Variants in SDK2 observed in about 807,000 individuals in gnomAD.
The protein encoded by SDK2 is sidekick cell adhesion molecule 2, also known as protein sidekick-2.
In SDK2, 105 loss-of-function variants were observed where a neutral mutation model predicts 253.9. The observed-to-expected ratio is 0.41, with a 90% CI of 0.35 to 0.49. SDK2 has a LOEUF of 0.49. Among genes scored for constraint, SDK2 ranks in the 20% least tolerant of loss-of-function variants. The probability of loss-of-function intolerance (pLI) is 0.06; values close to 1 mark genes in which losing one functional copy is unlikely to be tolerated. For missense variants in SDK2, 2,608 were observed against 3,003.0 expected, an observed-to-expected ratio of 0.87 and a Z score of 3.07; for synonymous variants, 1,249 against 1,234.9, an observed-to-expected ratio of 1.01 and a Z score of -0.24.
intron 1 of SDK2, among the ~76,000 whole-genome samples, chr17:73,525,117 C>A (rs2064114990): frequency 6.6e-6 from 1 of 152,242 alleles, no homozygotes; most frequent in Non-Finnish European, 1.5e-5. Context: ...CACCCCTCCC[C>A]AGGGCACCAA....
chr17:73,477,674 G>A (rs923561284), intron 2 of SDK2, among the ~76,000 whole-genome samples: 3 of 152,144 alleles, frequency 2.0e-5, no homozygotes, highest in Non-Finnish European at 4.4e-5. Flanking sequence ...GTGAAGCAGA[G>A]GCCCTCCCCC....
intron 36 of SDK2, among the ~76,000 whole-genome samples, chr17:73,375,864 AAAG>A (rs1199534553): frequency 6.1e-5 from 3 of 49,286 alleles, no homozygotes; most frequent in Admixed American, 2.2e-4. Flanking sequence ...TCAGGAAAAA[AAAG>A]AAAGAAAGAA....
intron 40 of SDK2, 138 bp downstream of exon 40, chr17:73,357,941 C>G (rs775356038): frequency 2.2e-6 from 3 of 1,345,460 alleles, no homozygotes; most frequent in Non-Finnish European, 3.2e-6. Context: ...CACTCCTCAA[C>G]AGGGCCAGGT....
In SDK2 at chr17:73,402,073, G is replaced by A; in HGVS notation, c.2553C>T (p.Asp851=). 6.2e-7 allele frequency: 1 copy of A among 1,614,052 alleles called. No individual in the cohort carries two copies. The highest frequency in any genetic ancestry group is 8.5e-7 in the Non-Finnish European group (1 of 1,179,894). The part of the protein sequence containing the change: ...TMVTARPNFQ[D]SIHVGFVSGL... ...CAGACACGAAGCCCACGTGGATGCT[G>A]TCTTGAAAGTTAGGCCGGGCGGTCA... The change falls in exon 19 of 45, where the codon GAC becomes GAT. Residue 851 remains aspartate, a synonymous_variant. Coordinates refer to ENST00000392650, the MANE Select transcript of SDK2 (RefSeq NM_001144952.2).
chr17:73,401,913 G>C (rs778272183), intron 19 of SDK2, 33 bp downstream of exon 19: 18 of 1,508,112 alleles, frequency 1.2e-5, no homozygotes, highest in East Asian at 4.7e-5. Flanking sequence ...TGGGCGGGGG[G>C]GGGCAGAAAG....
At chr17:73,586,419 A>G (rs909899007) in intron 1 of SDK2, among the ~76,000 whole-genome samples, 2 of 151,850 alleles carry the variant, frequency 1.3e-5, no homozygotes, top group Non-Finnish European at 2.9e-5. Context: ...AAGAGCGTAA[A>G]TTCCTTCTGG....
rs1327046901 is a variant in SDK2 at position 73,348,598 on chromosome 17, C to T, written c.6165+1G>A. Reference sequence around the variant, plus strand: ...AGGACACCTGGCCCTCCTGCCCTCACCTGAGAGTCGGAGATTTCTGAGGGC... The same window carrying T: ...AGGACACCTGGCCCTCCTGCCCTCATCTGAGAGTCGGAGATTTCTGAGGGC... On this transcript the variant is annotated splice_donor_variant, in intron 44 of 44. Coordinates refer to ENST00000392650, the MANE Select transcript of SDK2 (RefSeq NM_001144952.2). LOFTEE classifies it high-confidence loss of function. 6.2e-7 allele frequency: 1 copy of T among 1,612,336 alleles called. No individual in the cohort carries two copies. Among genetic ancestry groups the T allele is most frequent in the Non-Finnish European group, 8.5e-7 (1 of 1,179,596 alleles).
At chr17:73,456,934 T>C (rs923729343) in intron 3 of SDK2, among the ~76,000 whole-genome samples, 2 of 152,256 alleles carry the variant, frequency 1.3e-5, no homozygotes, top group East Asian at 3.9e-4. Context: ...ACTTTGATTG[T>C]GGCCCATGGG....
At chr17:73,510,834 G>A (rs1228563689) in intron 1 of SDK2, among the ~76,000 whole-genome samples, 3 of 152,200 alleles carry the variant, frequency 2.0e-5, no homozygotes, top group Non-Finnish European at 4.4e-5. Flanking sequence ...GCTCATTCAT[G>A]CACATCTTTC....
At chr17:73,423,149 T>A (rs1238555953) in intron 14 of SDK2, among the ~76,000 whole-genome samples, 1 of 152,272 alleles carries the variant, frequency 6.6e-6, no homozygotes, top group African/African-American at 2.4e-5. Context: ...TTGCAGCTTC[T>A]GCTGTGCCAG....
chr17:73,514,194 G>A (rs1024340842), intron 1 of SDK2, among the ~76,000 whole-genome samples: 1 of 152,114 alleles, frequency 6.6e-6, no homozygotes, highest in Non-Finnish European at 1.5e-5. Flanking sequence ...ATGTCACGTG[G>A]CTCGGAGGTC....
intron 12 of SDK2, among the ~76,000 whole-genome samples, chr17:73,425,026 T>A (rs1249205863): frequency 6.6e-6 from 1 of 152,134 alleles, no homozygotes; most frequent in Non-Finnish European, 1.5e-5. Context: ...TTGAGACCAG[T>A]CTGGCCAACA....
chr17:73,627,876 C>T (rs914027785), intron 1 of SDK2, among the ~76,000 whole-genome samples: 4 of 152,060 alleles, frequency 2.6e-5, no homozygotes, highest in African/African-American at 4.8e-5. Context: ...GGTGAAACCC[C>T]GTCTCCACTA....
chr17:73,441,264 T>C (rs1420602140), intron 5 of SDK2, among the ~76,000 whole-genome samples: 1 of 151,402 alleles, frequency 6.6e-6, no homozygotes, highest in Non-Finnish European at 1.5e-5. Flanking sequence ...GGGTTGACCT[T>C]GTTGGTTTAG....
intron 36 of SDK2, among the ~76,000 whole-genome samples, chr17:73,373,179 G>A (rs967719991): frequency 4.6e-5 from 7 of 152,154 alleles, no homozygotes; most frequent in South Asian, 4.1e-4. Flanking sequence ...AGGTTCATCC[G>A]TGTTGTTGCA....
chr17:73,633,969 C>T (rs1362088837), intron 1 of SDK2, among the ~76,000 whole-genome samples: 4 of 152,116 alleles, frequency 2.6e-5, no homozygotes, highest in South Asian at 2.1e-4. Context: ...CAGGTGGAGG[C>T]GAGATTGCAG....
At position 73,411,920 on chromosome 17, in the gene SDK2, C is replaced by T. The variant is rs575426365; in HGVS notation, c.2484+2724G>A. On this transcript the variant is annotated intron_variant, in intron 18 of 44. Coordinates refer to ENST00000392650, the MANE Select transcript of SDK2 (RefSeq NM_001144952.2). ...CCGAGTAGCTGGGACTACAGGCATGCGCCACCATGCCCAGTTAATTTTTGT... is the reference window on the plus strand; with the variant it reads ...CCGAGTAGCTGGGACTACAGGCATGTGCCACCATGCCCAGTTAATTTTTGT... Among the ~76,000 whole-genome samples, 43 of 139,358 alleles carry T rather than the reference C, an allele frequency of 3.1e-4. No individual in the cohort carries two copies. In the South Asian group the frequency reaches 8.4e-3, roughly 27 times the overall value. 91.4% of individuals were successfully genotyped at this position (139,358 alleles called of 152,430 possible).
At chr17:73,471,172 T>C (rs2063647906) in intron 3 of SDK2, among the ~76,000 whole-genome samples, 1 of 152,176 alleles carries the variant, frequency 6.6e-6, no homozygotes, top group Non-Finnish European at 1.5e-5. Flanking sequence ...CTGGGAACCC[T>C]GATTCATTCC....
intron 2 of SDK2, among the ~76,000 whole-genome samples, chr17:73,483,689 A>ATGTGTGTGTGTGTGTGTGTG (rs2063750567): frequency 1.2e-4 from 8 of 67,790 alleles, no homozygotes; most frequent in Non-Finnish European, 1.9e-4. Flanking sequence ...ATATTTATAT[A>ATGTGTGTGTGTGTGTGTGTG]TATATATATA....
Sources: gnomAD v4.1 joint callset for allele counts (sites outside exome capture counted in the v4.1 genomes callset) on GRCh38, gnomAD v4.1.1 for gene constraint, MANE v1.5 for transcripts, NCBI Gene and HGNC (gene_info 2026-07-23, HGNC 2026-07-21) for gene names.